The following DLGAP4 variants were observed in gnomAD, a reference collection of about 807,000 sequenced individuals.
DLGAP4 encodes the protein DLG associated protein 4.
Under a neutral mutation model 86.9 loss-of-function variants are expected in DLGAP4, and 18 were observed. That is an observed-to-expected ratio of 0.21 (90% CI 0.14 to 0.31). The LOEUF is 0.31. Among genes scored for constraint, DLGAP4 ranks in the 10% least tolerant of loss-of-function variants. The pLI, the probability that DLGAP4 is intolerant of heterozygous loss-of-function variation, is 1.00. For synonymous variants in DLGAP4, 548 were observed against 574.3 expected (o/e 0.95, Z 0.65); for missense variants, 1,085 against 1,362.6 (o/e 0.80, Z 3.21).
rs772869949 is a variant in DLGAP4, at chr20:36,436,105, C to G, written c.1000-4C>G. The G allele has an allele frequency of 3.8e-6, 6 of 1,567,324 alleles. No individual in the cohort carries two copies. Among genetic ancestry groups the G allele is most frequent in the Non-Finnish European group, 5.2e-6 (6 of 1,164,362 alleles). ...CCCCACTGAGTCCTGTGCCCCATCC[C>G]CAGGTGCCCGGCGGCGGCGGCGAGT... is the stretch of plus-strand genomic sequence containing the variant. On this transcript the variant is annotated splice_polypyrimidine_tract_variant and splice_region_variant and intron_variant, in intron 3 of 12. Coordinates refer to ENST00000339266, the MANE Select transcript of DLGAP4 (RefSeq NM_001365621.2).
rs569626451 is a variant in DLGAP4 at position 36,408,717 on chromosome 20, C to A, written c.-72-22929C>A. ...CCTGCTGGGAAAACTTTGAGGACTC[C>A]CAGGAGCCTGCAGCTTATTATATTT... On this transcript the variant is annotated intron_variant, in intron 2 of 12. Transcript: ENST00000339266. 3.9e-5 allele frequency among the ~76,000 whole-genome samples: 6 copies of A among 152,262 alleles called. No homozygotes were observed. In the East Asian group the frequency reaches 1.2e-3, roughly 29 times the overall value.
intron 7 of DLGAP4, among the ~76,000 whole-genome samples, chr20:36,484,512 C>T (rs568823664): frequency 6.6e-6 from 1 of 152,358 alleles, no homozygotes; most frequent in South Asian, 2.1e-4. Context: ...GCTCCAGGCC[C>T]CTGAAGGAGG....
At chr20:36,429,930 C>A (rs1379540450) in intron 2 of DLGAP4, among the ~76,000 whole-genome samples, 4 of 152,248 alleles carry the variant, frequency 2.6e-5, no homozygotes. Flanking sequence ...CCTCTGAGAG[C>A]CCTCCCTCCA....
intron 2 of DLGAP4, among the ~76,000 whole-genome samples, chr20:36,408,792 T>C (rs751582956): frequency 2.6e-5 from 4 of 152,226 alleles, no homozygotes; most frequent in Non-Finnish European, 5.9e-5. Context: ...AAAATTCTAA[T>C]GACTAAATGC....
At chr20:36,389,377 G>T (rs540620013) in intron 2 of DLGAP4, among the ~76,000 whole-genome samples, 24 of 152,216 alleles carry the variant, frequency 1.6e-4, no homozygotes, top group Non-Finnish European at 2.8e-4. Flanking sequence ...TCTGGGACAA[G>T]TTACTTACTT....
At chr20:36,411,077 G>A (rs373079197) in intron 2 of DLGAP4, among the ~76,000 whole-genome samples, 5 of 152,252 alleles carry the variant, frequency 3.3e-5, no homozygotes, top group East Asian at 1.9e-4. Context: ...TGCAACCTCC[G>A]CCTCCTGGGT....
intron 2 of DLGAP4, among the ~76,000 whole-genome samples, chr20:36,376,344 G>A (rs948246673): frequency 3.3e-5 from 5 of 152,068 alleles, no homozygotes; most frequent in Admixed American, 6.5e-5. Flanking sequence ...AGTGGCAGGC[G>A]CCTGTAATCC....
chr20:36,338,598 AAC>A (rs2065345942), intron 1 of DLGAP4, among the ~76,000 whole-genome samples: 1 of 152,100 alleles, frequency 6.6e-6, no homozygotes, highest in Non-Finnish European at 1.5e-5. Context: ...ACAAACAAAA[AAC>A]AGTCATTCAT....
At chr20:36,482,438 T>G (rs1012563767) in intron 7 of DLGAP4, among the ~76,000 whole-genome samples, 1 of 152,146 alleles carries the variant, frequency 6.6e-6, no homozygotes, top group Middle Eastern at 3.2e-3. Context: ...TTCCAAGTAA[T>G]ACTTCCCAGG....
intron 7 of DLGAP4, among the ~76,000 whole-genome samples, chr20:36,448,745 C>T (rs2033662275): frequency 1.3e-5 from 2 of 152,118 alleles, no homozygotes; most frequent in Admixed American, 6.6e-5. Context: ...ACCAGCCTGG[C>T]CAACATGGTG....
intron 2 of DLGAP4, among the ~76,000 whole-genome samples, chr20:36,426,233 C>T (rs947362160): frequency 5.3e-5 from 8 of 152,060 alleles, no homozygotes; most frequent in Non-Finnish European, 1.2e-4. Flanking sequence ...TTACTAGGGG[C>T]CGCCAGGCAT....
At position 36,414,591 on chromosome 20, in the gene DLGAP4, G is replaced by A. The variant is rs116310641; in HGVS notation, c.-72-17055G>A. Among the ~76,000 whole-genome samples the A allele has an allele frequency of 5.1e-3, 774 of 152,352 alleles. 9 individuals carry two copies. The highest frequency in any genetic ancestry group is 0.018 in the African/African-American group (744 of 41,584). On this transcript the variant is annotated intron_variant, in intron 2 of 12. Transcript: ENST00000339266. ...CCACCTGCTGTGTGACCTTGGGCAA[G>A]TGTCAGCCCCTGCTTGAGCCCAGTT...
intron 7 of DLGAP4, among the ~76,000 whole-genome samples, chr20:36,495,285 C>CT (rs1269190225): frequency 6.6e-6 from 1 of 152,122 alleles, no homozygotes; most frequent in Non-Finnish European, 1.5e-5. Context: ...GTGATGGTAT[C>CT]TCATAGTGGC....
chr20:36,512,299 C>T (rs1020798454), intron 10 of DLGAP4, among the ~76,000 whole-genome samples: 2 of 152,024 alleles, frequency 1.3e-5, no homozygotes, highest in East Asian at 1.9e-4. Context: ...ATCCGCCCAC[C>T]GCAGCCTCCC....
At chr20:36,503,239 A>C (rs150270514) in intron 10 of DLGAP4, among the ~76,000 whole-genome samples, 13 of 152,126 alleles carry the variant, frequency 8.5e-5, no homozygotes, top group Non-Finnish European at 1.5e-4. Context: ...TATAATTCAC[A>C]TACCACAAAA....
At chr20:36,442,381 A>G (rs1485027091) in intron 5 of DLGAP4, among the ~76,000 whole-genome samples, 2 of 152,086 alleles carry the variant, frequency 1.3e-5, no homozygotes, top group Non-Finnish European at 2.9e-5. Context: ...TTTAGTAGAG[A>G]TGGGGTTTCT....
At chr20:36,477,650 G>C (rs539572157) in intron 7 of DLGAP4, among the ~76,000 whole-genome samples, 50 of 152,250 alleles carry the variant, frequency 3.3e-4, no homozygotes, top group Admixed American at 2.5e-3. Flanking sequence ...TTTGGGCCAA[G>C]TCCCTCCACC....
At position 36,500,483 on chromosome 20, in the gene DLGAP4, C is replaced by T; in HGVS notation, c.2384C>T (p.Ala795Val). 6.3e-7 allele frequency: 1 copy of T among 1,592,972 alleles called. No homozygotes were observed. Among genetic ancestry groups the T allele is most frequent in the Non-Finnish European group, 8.6e-7 (1 of 1,169,044 alleles). Residue 795 changes from alanine to valine, a missense_variant, in exon 10 of 13, where the codon GCA becomes GTA. Transcript: ENST00000339266. This position sits in a 1 kb window ranked among gnomAD's most constrained non-coding sequence, Gnocchi z 4.6. The stretch of plus-strand genomic sequence containing the variant: ...TCCTCCAGCTCCCCAGCAGAGCCGG[C>T]ACAGCCAGGGGCCTGCCGCCGAGAC... ...ETSSSSPAEP[A>V]QPGACRRDGY...
At chr20:36,489,629 A>C (rs989838003) in intron 7 of DLGAP4, among the ~76,000 whole-genome samples, 1 of 151,998 alleles carries the variant, frequency 6.6e-6, no homozygotes, top group Non-Finnish European at 1.5e-5. Context: ...GGATTCCTCA[A>C]ATGGCTGGGG....
Sources: gnomAD v4.1 joint callset for allele counts (sites outside exome capture counted in the v4.1 genomes callset) on GRCh38, gnomAD v4.1.1 for gene constraint, Gnocchi (gnomAD v3.1) non-coding constraint, MANE v1.5 for transcripts, NCBI Gene and HGNC (gene_info 2026-07-23, HGNC 2026-07-21) for gene names.